EHD3: variants seen among roughly 807,000 people sequenced by gnomAD.
EHD3 encodes the protein EH domain containing 3.
A neutral mutation model predicts 43.0 loss-of-function variants in EHD3; 17 were observed. That is an observed-to-expected ratio of 0.40 (90% CI 0.27 to 0.59). The LOEUF (loss-of-function observed/expected upper bound fraction) is 0.59, where lower values mean the gene tolerates loss of function less well. Ranked by LOEUF, EHD3 falls within the 20% of genes least tolerant of loss-of-function variation. EHD3 has a pLI of 0.49. For synonymous variants in EHD3, 313 were observed against 289.5 expected, an observed-to-expected ratio of 1.08 and a Z score of -0.82; for missense variants, 594 against 705.6, an observed-to-expected ratio of 0.84 and a Z score of 1.79.
At position 31,250,259 on chromosome 2, in the gene EHD3, C is replaced by T. The variant is rs1312625887; in HGVS notation, c.502+791C>T. ...GATTATAGATGATCATCATCATCAT[C>T]GTTGTTTTCTTTTTTTTTTTTTTTT... is the stretch of plus-strand genomic sequence containing the variant. On this transcript the variant is annotated intron_variant, in intron 3 of 5. Transcript: ENST00000322054. 4.2e-5 allele frequency among the ~76,000 whole-genome samples: 6 copies of T among 141,270 alleles called. 1 individual carries two copies. Among genetic ancestry groups the T allele is most frequent in the Admixed American group, 2.4e-4 (3 of 12,714 alleles). 92.7% of individuals were successfully genotyped at this position (141,270 alleles called of 152,430 possible). A position where few individuals can be genotyped will look rare whatever the true frequency, so the allele number is the denominator to read the frequency against.
chr2:31,238,103 G>A (rs1683355264), intron 1 of EHD3, among the ~76,000 whole-genome samples: 2 of 152,024 alleles, frequency 1.3e-5, no homozygotes, highest in African/African-American at 4.8e-5. Context: ...TAAAATTTTT[G>A]TACTAAGAGT....
At chr2:31,257,521 C>T (rs1258494303) in intron 3 of EHD3, among the ~76,000 whole-genome samples, 1 of 152,146 alleles carries the variant, frequency 6.6e-6, no homozygotes, top group Non-Finnish European at 1.5e-5. Flanking sequence ...TCTGGCCTCA[C>T]GACTTGCCAA....
In EHD3 at chr2:31,234,424, C is replaced by T. The variant is rs374912815; in HGVS notation, c.-198C>T. 5.9e-4 allele frequency: 355 copies of T among 600,114 alleles called. 5 individuals carry two copies. In the South Asian group the frequency reaches 6.1e-3, roughly 10 times the overall value. The allele number at this position is 600,114 out of a possible 1,614,324, so 37.2% of individuals were successfully genotyped here. ...CCTGGGCTGCTGGATGCAGCAGCGG[C>T]TGGGCTTGGTCCCAGGAGCAGGGAG... On this transcript the variant is annotated 5_prime_UTR_variant, in exon 1 of 6. Transcript: ENST00000322054.
At chr2:31,256,658 C>T (rs1031406046) in intron 3 of EHD3, among the ~76,000 whole-genome samples, 2 of 152,238 alleles carry the variant, frequency 1.3e-5, no homozygotes, top group Admixed American at 6.5e-5. Flanking sequence ...CTATCCTGTT[C>T]TGGCAGCATG....
chr2:31,236,082 G>A (rs891458357), intron 1 of EHD3, among the ~76,000 whole-genome samples: 1 of 152,230 alleles, frequency 6.6e-6, no homozygotes, highest in Non-Finnish European at 1.5e-5. Flanking sequence ...GGTGAGGAGT[G>A]CAGAAAAGTT....
At chr2:31,240,171 G>A (rs1361552906) in intron 1 of EHD3, among the ~76,000 whole-genome samples, 1 of 152,128 alleles carries the variant, frequency 6.6e-6, no homozygotes, top group Non-Finnish European at 1.5e-5. Context: ...TGTGGGATGC[G>A]TTACAGACTC....
At chr2:31,247,467 A>T (rs988936445) in intron 2 of EHD3, among the ~76,000 whole-genome samples, 2 of 152,226 alleles carry the variant, frequency 1.3e-5, no homozygotes, top group Admixed American at 1.3e-4. Context: ...CTGTGATTTC[A>T]ATGAATAAAA....
At chr2:31,253,511 G>T (rs1310134135) in intron 3 of EHD3, among the ~76,000 whole-genome samples, 2 of 152,172 alleles carry the variant, frequency 1.3e-5, no homozygotes, top group Non-Finnish European at 2.9e-5. Context: ...CATACCTGGC[G>T]CAGGGCTGTG....
chr2:31,264,669 A>G (rs544120794), intron 5 of EHD3, among the ~76,000 whole-genome samples: 74 of 151,128 alleles, frequency 4.9e-4, no homozygotes, highest in African/African-American at 1.8e-3. Flanking sequence ...AGCTGGGACC[A>G]CAGGCATGTG....
intron 1 of EHD3, 105 bp downstream of exon 1, chr2:31,234,953 C>A: frequency 1.9e-6 from 2 of 1,025,828 alleles, no homozygotes; most frequent in Non-Finnish European, 2.9e-6. Context: ...GGGAAGCCTT[C>A]AGTTGAGGGC....
At chr2:31,252,932 G>A (rs1187318050) in intron 3 of EHD3, among the ~76,000 whole-genome samples, 1 of 152,190 alleles carries the variant, frequency 6.6e-6, no homozygotes, top group Non-Finnish European at 1.5e-5. Flanking sequence ...CTGGGCTGCT[G>A]GCGCCTGGGG....
intron 1 of EHD3, among the ~76,000 whole-genome samples, chr2:31,243,463 T>TC (rs1180798961): frequency 2.9e-5 from 4 of 138,940 alleles, no homozygotes; most frequent in African/African-American, 5.4e-5. Flanking sequence ...TTTCTTTCTT[T>TC]TTTTTTTTTT....
rs995892679 is a variant in EHD3, at chr2:31,260,333, T to A, written c.503-177T>A. On this transcript the variant is annotated intron_variant, in intron 3 of 5. Transcript: ENST00000322054. This position sits in a 1 kb window ranked among gnomAD's most constrained non-coding sequence, Gnocchi z 4.6. ...TAACAGTATTTTTAGACGAAAAAAA[T>A]TCTATGAGACATTGAGTAATTTGCT... is the stretch of plus-strand genomic sequence containing the variant. Among the ~76,000 whole-genome samples the A allele has an allele frequency of 6.6e-6, 1 of 152,176 alleles. No individual in the cohort carries two copies.
At chr2:31,253,301 C>T (rs1482355541) in intron 3 of EHD3, among the ~76,000 whole-genome samples, 2 of 150,650 alleles carry the variant, frequency 1.3e-5, no homozygotes, top group Non-Finnish European at 2.9e-5. Context: ...TAGAACAAAA[C>T]TTGCTTTCTC....
intron 2 of EHD3, among the ~76,000 whole-genome samples, chr2:31,245,339 A>G (rs529100659): frequency 3.3e-5 from 5 of 152,164 alleles, no homozygotes; most frequent in African/African-American, 1.2e-4. Context: ...AATAAGTGGG[A>G]TAGTGAACAG....
chr2:31,257,324 G>A (rs547674921), intron 3 of EHD3, among the ~76,000 whole-genome samples: 148 of 152,370 alleles, frequency 9.7e-4, no homozygotes, highest in African/African-American at 3.4e-3. Flanking sequence ...TCCCTGGGAA[G>A]GGAAGGATGG....
intron 5 of EHD3, among the ~76,000 whole-genome samples, chr2:31,262,253 G>A (rs1254631216): frequency 6.6e-6 from 1 of 152,190 alleles, no homozygotes; most frequent in African/African-American, 2.4e-5. Flanking sequence ...ACTCATCAGA[G>A]GGAGGCATTT....
rs1418621028 is a variant in EHD3, at chr2:31,243,456, C to CTTTTTTTT, written c.228-815_228-814insTTTTTTTT. Among the ~76,000 whole-genome samples, 173 of 93,304 alleles carry CTTTTTTTT rather than the reference C, an allele frequency of 1.9e-3. 4 individuals are homozygous for CTTTTTTTT. The highest frequency in any genetic ancestry group is 8.3e-3 in the African/African-American group (164 of 19,692). The allele number at this position is 93,304 out of a possible 152,430, so 61.2% of individuals were successfully genotyped here. A position where few individuals can be genotyped will look rare whatever the true frequency, so the allele number is the denominator to read the frequency against. On this transcript the variant is annotated intron_variant, in intron 1 of 5. Transcript: ENST00000322054. Reference sequence around the variant, plus strand: ...TCTTTCTTTCTTTCTTTCTTTCTTTCTTTCTTTTTTTTTTTTTGAGACAGA... The same window carrying CTTTTTTTT: ...TCTTTCTTTCTTTCTTTCTTTCTTTCTTTTTTTTTTTCTTTTTTTTTTTTTGAGACAGA...
chr2:31,266,820 C>G lies in EHD3; in HGVS notation c.*116C>G. ...AACATGCACACACACATATGCATAT[C>G]TTGACATTGCTCTGTAGGTGAGAGA... On this transcript the variant is annotated 3_prime_UTR_variant, in exon 6 of 6. Transcript: ENST00000322054. This position sits in a 1 kb window ranked among gnomAD's most constrained non-coding sequence, Gnocchi z 5.1. 1.6e-6 allele frequency: 2 copies of G among 1,279,452 alleles called. No individual in the cohort carries two copies. Among genetic ancestry groups the G allele is most frequent in the Non-Finnish European group, 2.1e-6 (2 of 949,806 alleles). 79.3% of individuals were successfully genotyped at this position (1,279,452 alleles called of 1,614,324 possible).
Sources: gnomAD v4.1 joint callset for allele counts (sites outside exome capture counted in the v4.1 genomes callset) on GRCh38, gnomAD v4.1.1 for gene constraint, Gnocchi (gnomAD v3.1) non-coding constraint, MANE v1.5 for transcripts, NCBI Gene and HGNC (gene_info 2026-07-23, HGNC 2026-07-21) for gene names.